ZMAT4: variants seen among roughly 807,000 people sequenced by gnomAD.
ZMAT4 encodes zinc finger matrin-type protein 4.
ZMAT4 carries 17 observed loss-of-function variants against 28.7 expected under a neutral mutation model. The observed-to-expected ratio is 0.59, with a 90% confidence interval of 0.41 to 0.89. The LOEUF (loss-of-function observed/expected upper bound fraction) is 0.89. Ranked by LOEUF, ZMAT4 falls within the 40% of genes least tolerant of loss-of-function variation. The pLI, the probability that ZMAT4 is intolerant of heterozygous loss-of-function variation, is 0.00. For missense variants in ZMAT4, 240 were observed against 283.8 expected, an observed-to-expected ratio of 0.85 and a Z score of 1.11; for synonymous variants, 117 against 109.2, an observed-to-expected ratio of 1.07 and a Z score of -0.44.
At chr8:40,757,430 C>T (rs1372785927) in intron 3 of ZMAT4, among the ~76,000 whole-genome samples, 4 of 151,732 alleles carry the variant, frequency 2.6e-5, no homozygotes, top group African/African-American at 7.3e-5. Context: ...TGTAAAAATA[C>T]AAAAAATTAG....
At chr8:40,853,295 G>A (rs549318229) in intron 1 of ZMAT4, among the ~76,000 whole-genome samples, 25 of 152,288 alleles carry the variant, frequency 1.6e-4, no homozygotes, top group African/African-American at 3.6e-4. Context: ...AGTGGCTCAC[G>A]CCTGTAATCC....
chr8:40,831,482 A>C (rs558580399), intron 1 of ZMAT4, among the ~76,000 whole-genome samples: 1 of 152,272 alleles, frequency 6.6e-6, no homozygotes, highest in African/African-American at 2.4e-5. Context: ...GGCAGTCCCC[A>C]GGCGGCCGCA....
At chr8:40,775,758 A>G (rs1306998511) in intron 2 of ZMAT4, among the ~76,000 whole-genome samples, 3 of 152,140 alleles carry the variant, frequency 2.0e-5, no homozygotes, top group Non-Finnish European at 4.4e-5. Context: ...TTTATTCTGG[A>G]CTGAATTGTG....
chr8:40,810,131 T>C (rs1476703718), intron 2 of ZMAT4, among the ~76,000 whole-genome samples: 1 of 152,160 alleles, frequency 6.6e-6, no homozygotes, highest in Non-Finnish European at 1.5e-5. Context: ...TATATGTATG[T>C]ATATAATATA....
In ZMAT4 at chr8:40,626,626, T is replaced by C. The variant is rs528842607; in HGVS notation, c.578-45365A>G. Among the ~76,000 whole-genome samples the C allele has an allele frequency of 3.9e-5, 6 of 152,300 alleles. No homozygotes were observed. The South Asian group carries it at 1.0e-3, about 26-fold the overall frequency. ...GCAATGTTGGTTAGTTAGGAATCTT[T>C]TTGTGATATCCCCCTGTAGCCATAA... On this transcript the variant is annotated intron_variant, in intron 5 of 6. Transcript: ENST00000297737.
intron 5 of ZMAT4, among the ~76,000 whole-genome samples, chr8:40,641,609 T>C (rs562157441): frequency 6.6e-6 from 1 of 152,358 alleles, no homozygotes; most frequent in Non-Finnish European, 1.5e-5. Context: ...TGTACACCTT[T>C]GAAACCATCA....
At chr8:40,595,574 C>G (rs759638385) in intron 5 of ZMAT4, among the ~76,000 whole-genome samples, 5 of 152,074 alleles carry the variant, frequency 3.3e-5, no homozygotes, top group Non-Finnish European at 5.9e-5. Flanking sequence ...ACAGATGCTA[C>G]TGTAGTGAAT....
chr8:40,629,768 G>A (rs939848962), intron 5 of ZMAT4, among the ~76,000 whole-genome samples: 3 of 152,018 alleles, frequency 2.0e-5, no homozygotes, highest in Non-Finnish European at 4.4e-5. Context: ...AGTATTCCAT[G>A]GTGTATATGT....
At chr8:40,608,414 T>A (rs1231474844) in intron 5 of ZMAT4, among the ~76,000 whole-genome samples, 1 of 152,132 alleles carries the variant, frequency 6.6e-6, no homozygotes, top group African/African-American at 2.4e-5. Context: ...GCCAGTCTCA[T>A]TCCCACTGTG....
intron 2 of ZMAT4, among the ~76,000 whole-genome samples, chr8:40,801,973 A>G (rs576307921): frequency 6.6e-6 from 1 of 152,362 alleles, no homozygotes; most frequent in East Asian, 1.9e-4. Context: ...AAGAGAAAAA[A>G]AAATCGCATG....
At chr8:40,624,312 C>A (rs146321151) in intron 5 of ZMAT4, among the ~76,000 whole-genome samples, 18 of 152,206 alleles carry the variant, frequency 1.2e-4, no homozygotes, top group African/African-American at 4.3e-4. Flanking sequence ...ATGTGAGGGT[C>A]AGCGAGAGGG....
chr8:40,708,279 G>T (rs142860645), intron 3 of ZMAT4, among the ~76,000 whole-genome samples: 9 of 152,128 alleles, frequency 5.9e-5, no homozygotes, highest in African/African-American at 1.7e-4. Context: ...CATCAGGAGC[G>T]CATGTCCCAT....
intron 3 of ZMAT4, among the ~76,000 whole-genome samples, 173 bp downstream of exon 3, chr8:40,767,468 G>A (rs1278297069): frequency 1.3e-5 from 2 of 151,956 alleles, no homozygotes; most frequent in Non-Finnish European, 2.9e-5. Flanking sequence ...AGTTCTGGCA[G>A]GAAAATAAAA....
chr8:40,588,530 C>T (rs923721560), intron 5 of ZMAT4, among the ~76,000 whole-genome samples: 2 of 152,018 alleles, frequency 1.3e-5, no homozygotes, highest in Non-Finnish European at 2.9e-5. Context: ...AGTTTCTCAA[C>T]ATCATGTGTC....
At chr8:40,752,560 G>C (rs1812497244) in intron 3 of ZMAT4, among the ~76,000 whole-genome samples, 1 of 152,142 alleles carries the variant, frequency 6.6e-6, no homozygotes, top group Non-Finnish European at 1.5e-5. Context: ...CTGCAGTCAT[G>C]GACTTAAAGA....
intron 5 of ZMAT4, among the ~76,000 whole-genome samples, chr8:40,649,411 C>A (rs974937394): frequency 2.0e-5 from 3 of 152,172 alleles, no homozygotes; most frequent in African/African-American, 7.2e-5. Context: ...ACAAGAGCAC[C>A]AAGATTCATA....
chr8:40,756,109 C>T (rs1434488955), intron 3 of ZMAT4, among the ~76,000 whole-genome samples: 2 of 152,028 alleles, frequency 1.3e-5, no homozygotes, highest in East Asian at 3.9e-4. Flanking sequence ...TCTCCTCCCA[C>T]CAGGGGTACT....
intron 6 of ZMAT4, among the ~76,000 whole-genome samples, chr8:40,558,912 C>T (rs539292087): frequency 7.9e-4 from 121 of 152,252 alleles, no homozygotes; most frequent in Non-Finnish European, 1.5e-3. Flanking sequence ...ATAAGACTGA[C>T]AGAACAGACT....
intron 1 of ZMAT4, among the ~76,000 whole-genome samples, chr8:40,842,479 T>C (rs1178264675): frequency 1.3e-5 from 2 of 152,228 alleles, no homozygotes; most frequent in East Asian, 3.8e-4. Flanking sequence ...TTTGTGGCTC[T>C]GACAGAATTC....
Sources: allele counts gnomAD v4.1 joint callset (sites outside exome capture counted in the v4.1 genomes callset), GRCh38; gene constraint gnomAD v4.1.1; transcripts MANE v1.5; gene names NCBI Gene and HGNC (gene_info 2026-07-23, HGNC 2026-07-21).